Variants in UBAP2 observed in about 807,000 individuals in gnomAD.
UBAP2 encodes the protein ubiquitin associated protein 2.
In UBAP2, 75 loss-of-function variants were observed where a neutral mutation model predicts 139.6. The observed-to-expected ratio is 0.54, with a 90% CI of 0.45 to 0.65. The LOEUF (loss-of-function observed/expected upper bound fraction) is 0.65, where lower values mean the gene tolerates loss of function less well. Ranked by LOEUF, UBAP2 falls within the 30% of genes least tolerant of loss-of-function variation. UBAP2 has a pLI of 0.00. For synonymous variants in UBAP2, 526 were observed against 526.2 expected, an observed-to-expected ratio of 1.00 and a Z score of 0.01; for missense variants, 1,368 against 1,369.6, an observed-to-expected ratio of 1.00 and a Z score of 0.02.
chr9:33,992,680 A>G (rs10971837), intron 4 of UBAP2, among the ~76,000 whole-genome samples: 86,981 of 145,938 alleles, frequency 0.6, 26,514 homozygotes, highest in East Asian at 0.81. Context: ...ACAAATAGGG[A>G]AAAGAACCTT....
rs1486202977 is a variant in UBAP2 at position 33,943,479 on chromosome 9, T to C, written c.1656A>G (p.Ser552=). The change falls in exon 15 of 29, where the codon TCA becomes TCG. Residue 552 remains serine, a synonymous_variant. Transcript: ENST00000379238. The part of the protein sequence containing the change: ...GSEPSLSEFG[S]APSSENSNQI... The stretch of plus-strand genomic sequence containing the variant: ...GATTACTATTTTCACTGCTTGGAGC[T>C]GATCCAAATTCAGAGAGAGAAGGTT... The C allele has an allele frequency of 1.9e-6, 3 of 1,614,070 alleles. No individual in the cohort carries two copies. The East Asian group carries it at 6.7e-5, about 36-fold the overall frequency.
At chr9:33,985,688 TA>T (rs1821146349) in intron 6 of UBAP2, among the ~76,000 whole-genome samples, 1 of 151,616 alleles carries the variant, frequency 6.6e-6, no homozygotes, top group Non-Finnish European at 1.5e-5. Context: ...GGGTGGGGAA[TA>T]AAGAGAGATT....
chr9:34,004,653 G>A (rs542868563), intron 2 of UBAP2, among the ~76,000 whole-genome samples: 9 of 151,422 alleles, frequency 5.9e-5, no homozygotes, highest in East Asian at 4.0e-4. Context: ...GCGTGGTGGC[G>A]GGCACCTGTA....
At chr9:33,956,743 G>C (rs1291585756) in intron 10 of UBAP2, among the ~76,000 whole-genome samples, 2 of 152,086 alleles carry the variant, frequency 1.3e-5, no homozygotes, top group Non-Finnish European at 2.9e-5. Flanking sequence ...CTCAACCGCA[G>C]ACTCACTTCT....
Position 33,944,532 on chromosome 9 carries a change from G to A in UBAP2, c.1378C>T (p.Pro460Ser), listed in dbSNP as rs1166533012. 2 of 1,614,152 alleles carry A rather than the reference G, an allele frequency of 1.2e-6. No homozygotes were observed. Among genetic ancestry groups the A allele is most frequent in the South Asian group, 1.1e-5 (1 of 91,068 alleles). The change falls in exon 14 of 29, where the codon CCT becomes TCT. Residue 460 changes from proline to serine, a missense_variant. By Grantham distance (74) the Pro-to-Ser change is moderately conservative (BLOSUM62 -1). Coordinates refer to ENST00000379238, the MANE Select transcript of UBAP2 (RefSeq NM_001370062.2). ...GATTCTCGAAGTTTTGCCTGGGAAGGAAAGGACTCCAAACCAGGAGGAGGA... is the reference window on the plus strand; with the variant it reads ...GATTCTCGAAGTTTTGCCTGGGAAGAAAAGGACTCCAAACCAGGAGGAGGA... ...TVPPPGLESF[P>S]SQAKLRESTP...
At chr9:33,986,381 G>C (rs1564048332) in intron 6 of UBAP2, among the ~76,000 whole-genome samples, 1 of 152,120 alleles carries the variant, frequency 6.6e-6, no homozygotes, top group East Asian at 1.9e-4. Context: ...AGAGCAAAAA[G>C]ACTACAACTC....
At chr9:34,000,466 T>G (rs1822606556) in intron 2 of UBAP2, among the ~76,000 whole-genome samples, 1 of 152,200 alleles carries the variant, frequency 6.6e-6, no homozygotes, top group Non-Finnish European at 1.5e-5. Context: ...GGTACCGTAA[T>G]TATTACAACA....
chr9:33,927,780 G>T lies in UBAP2; in HGVS notation c.2371+17C>A, dbSNP rs999353701. The T allele has an allele frequency of 1.3e-6, 2 of 1,595,280 alleles. No individual in the cohort carries two copies. The highest frequency in any genetic ancestry group is 1.7e-6 in the Non-Finnish European group (2 of 1,172,600). On this transcript the variant is annotated intron_variant, in intron 20 of 28. Coordinates refer to ENST00000379238, the MANE Select transcript of UBAP2 (RefSeq NM_001370062.2). ...AGGGGCTCAGGGGTGGGCAGGAAAG[G>T]CCTCTGGAGCAAATACCTGAGGTCA...
At chr9:33,935,590 G>A in intron 17 of UBAP2, 2 of 547,990 alleles carry the variant, frequency 3.6e-6, no homozygotes, top group East Asian at 3.2e-5. Flanking sequence ...AATGCATACT[G>A]TATGCTGCAC....
At chr9:34,013,491 C>G (rs1823955822) in intron 2 of UBAP2, among the ~76,000 whole-genome samples, 1 of 150,880 alleles carries the variant, frequency 6.6e-6, no homozygotes, top group South Asian at 2.1e-4. Flanking sequence ...AACTCCGTCT[C>G]AAAAAATAAA....
intron 20 of UBAP2, 30 bp from the exon 21 acceptor site, chr9:33,927,110 A>AG: frequency 1.3e-6 from 2 of 1,552,946 alleles, no homozygotes; most frequent in Non-Finnish European, 1.8e-6. Context: ...AAATGGAGTG[A>AG]AATGGTCACC....
intron 1 of UBAP2, among the ~76,000 whole-genome samples, chr9:34,040,323 CAAAAAAAAAAA>C (rs56317641): frequency 1.1e-5 from 1 of 88,864 alleles, no homozygotes; most frequent in Non-Finnish European, 2.1e-5. Flanking sequence ...GACTCTGTCT[CAAAAAAAAAAA>C]AAAAAAAAAA....
At chr9:34,020,664 CTTT>C (rs11332455) in intron 1 of UBAP2, among the ~76,000 whole-genome samples, 2 of 143,628 alleles carry the variant, frequency 1.4e-5, no homozygotes, top group Non-Finnish European at 1.5e-5. Context: ...ACTCTGTTTC[CTTT>C]TTTTTTTTTT....
At chr9:34,020,648 C>A (rs1180043737) in intron 1 of UBAP2, among the ~76,000 whole-genome samples, 3 of 129,306 alleles carry the variant, frequency 2.3e-5, no homozygotes, top group Non-Finnish European at 4.9e-5. Context: ...TTTAACAATA[C>A]ATGGAACTCT....
chr9:34,018,755 C>G (rs1824629090), intron 1 of UBAP2, among the ~76,000 whole-genome samples: 1 of 151,874 alleles, frequency 6.6e-6, no homozygotes, highest in Admixed American at 6.6e-5. Flanking sequence ...CCCAGCTACT[C>G]AGGAGGCTGA....
intron 12 of UBAP2, among the ~76,000 whole-genome samples, chr9:33,950,426 C>A (rs551146782): frequency 6.6e-6 from 1 of 152,336 alleles, no homozygotes; most frequent in East Asian, 1.9e-4. Context: ...TGCCTTCCCT[C>A]AAGTAAGTTG....
At chr9:33,926,778 A>G in intron 21 of UBAP2, 114 bp from the exon 22 acceptor site, 3 of 1,166,850 alleles carry the variant, frequency 2.6e-6, no homozygotes, top group Admixed American at 3.5e-5. Flanking sequence ...CGGGAATGGG[A>G]TCTGGATTAG....
chr9:33,986,929 G>T, intron 5 of UBAP2, 92 bp from the exon 6 acceptor site: 2 of 1,095,688 alleles, frequency 1.8e-6, no homozygotes, highest in Non-Finnish European at 1.4e-6. Flanking sequence ...AAGAAGGAAT[G>T]ACAAACAGGC....
Position 33,927,963 on chromosome 9 carries a change from G to A in UBAP2, c.2205C>T (p.His735=). The A allele has an allele frequency of 6.8e-6, 11 of 1,613,868 alleles. No homozygotes were observed. Among genetic ancestry groups the A allele is most frequent in the Non-Finnish European group, 9.3e-6 (11 of 1,179,834 alleles). ...THASVESASS[H]QSSATFSTAA... ...CCGTGGAGAAGGTGGCTGAGGACTG[G>A]TGGGAAGAGGCGCTCTCCACACTGG... The change falls in exon 20 of 29, where the codon CAC becomes CAT. Residue 735 remains histidine (H), a synonymous_variant. Transcript: ENST00000379238.
Sources: allele counts gnomAD v4.1 joint callset (sites outside exome capture counted in the v4.1 genomes callset), GRCh38; gene constraint gnomAD v4.1.1; transcripts MANE v1.5; gene names NCBI Gene and HGNC (gene_info 2026-07-23, HGNC 2026-07-21).